Variants in EBF2 observed in about 807,000 individuals in gnomAD.
EBF2 encodes the protein EBF transcription factor 2.
In EBF2, 21 loss-of-function variants were observed where a neutral mutation model predicts 72.8. The observed-to-expected ratio is 0.29, with a 90% CI of 0.20 to 0.42. The LOEUF (loss-of-function observed/expected upper bound fraction) is 0.42. EBF2 is among the 10% of genes least tolerant of loss of function. The pLI is 1.00. For synonymous variants in EBF2, 299 were observed against 274.2 expected (o/e 1.09, Z -0.89); for missense variants, 637 against 731.2 (o/e 0.87, Z 1.49).
chr8:25,875,601 T>C (rs938022581), intron 10 of EBF2, among the ~76,000 whole-genome samples: 5 of 152,242 alleles, frequency 3.3e-5, no homozygotes, highest in Non-Finnish European at 5.9e-5. Context: ...CACATCATAC[T>C]GACTGGAGCC....
chr8:26,014,748 T>C (rs942384957), intron 6 of EBF2, among the ~76,000 whole-genome samples: 1 of 152,210 alleles, frequency 6.6e-6, no homozygotes, highest in Non-Finnish European at 1.5e-5. Context: ...GTGAACTACA[T>C]AATACTAATT....
At chr8:26,040,907 C>T (rs1805589170) in intron 3 of EBF2, 32 bp downstream of exon 3, 1 of 1,613,314 alleles carries the variant, frequency 6.2e-7, no homozygotes, top group Non-Finnish European at 8.5e-7. Flanking sequence ...GGCTGCTAGG[C>T]GCCGGCTCAC....
At chr8:25,910,071 T>G (rs962474251) in intron 6 of EBF2, among the ~76,000 whole-genome samples, 3 of 152,172 alleles carry the variant, frequency 2.0e-5, no homozygotes, top group Non-Finnish European at 4.4e-5. Flanking sequence ...ATGTTGTGCG[T>G]GGCTGTCCGA....
intron 1 of EBF2, 127 bp from the exon 2 acceptor site, chr8:26,042,378 C>T (rs1246309646): frequency 8.2e-7 from 1 of 1,217,392 alleles, no homozygotes; most frequent in African/African-American, 1.5e-5. Flanking sequence ...CTGAACCCTT[C>T]GGGCCTTTTT....
chr8:26,010,845 G>A (rs974574141), intron 6 of EBF2, among the ~76,000 whole-genome samples: 1 of 152,102 alleles, frequency 6.6e-6, no homozygotes, highest in Non-Finnish European at 1.5e-5. Context: ...ATCACCGAGC[G>A]TTCCATGAAT....
chr8:25,897,122 A>C (rs561875771), intron 7 of EBF2, among the ~76,000 whole-genome samples: 16 of 152,336 alleles, frequency 1.1e-4, no homozygotes, highest in Non-Finnish European at 1.6e-4. Context: ...GTTGACTGCC[A>C]TAGAGACAGA....
At chr8:26,034,763 A>G (rs1312606581) in intron 5 of EBF2, among the ~76,000 whole-genome samples, 6 of 152,190 alleles carry the variant, frequency 3.9e-5, no homozygotes, top group Non-Finnish European at 8.8e-5. Context: ...CTGGTTGGAG[A>G]ATATGCCTAA....
chr8:25,858,105 C>A (rs1244128616), intron 14 of EBF2: 1 of 693,358 alleles, frequency 1.4e-6, no homozygotes, highest in South Asian at 1.5e-5. Context: ...TTGTTTCAAT[C>A]CTTTTCTTTC....
chr8:26,033,705 G>A lies in EBF2; in HGVS notation c.483-552C>T, dbSNP rs192743671. 1.6e-3 allele frequency among the ~76,000 whole-genome samples: 239 copies of A among 152,056 alleles called. 1 individual carries two copies. In the South Asian group the frequency reaches 0.022, roughly 14 times the overall value. On this transcript the variant is annotated intron_variant, in intron 5 of 15. Transcript: ENST00000520164. ...AAACCACCGTGGCACATGTTTACCTGTGTAACAAACCTATACGTCCTGCAC... is the reference window on the plus strand; with the variant it reads ...AAACCACCGTGGCACATGTTTACCTATGTAACAAACCTATACGTCCTGCAC...
chr8:25,984,607 G>A (rs1292859830), intron 6 of EBF2, among the ~76,000 whole-genome samples: 2 of 152,060 alleles, frequency 1.3e-5, no homozygotes, highest in East Asian at 1.9e-4. Context: ...GCTTGAAACC[G>A]GGAGGCGGAG....
chr8:26,021,557 G>A (rs770812305), intron 6 of EBF2, among the ~76,000 whole-genome samples: 1 of 152,114 alleles, frequency 6.6e-6, no homozygotes, highest in Non-Finnish European at 1.5e-5. Context: ...TAAAATACAA[G>A]ATGCTCAGTT....
At chr8:26,007,666 C>T (rs1804903886) in intron 6 of EBF2, among the ~76,000 whole-genome samples, 1 of 152,138 alleles carries the variant, frequency 6.6e-6, no homozygotes, top group Admixed American at 6.6e-5. Context: ...TAGGCTCACG[C>T]CAAGCCTTCA....
At chr8:25,991,384 C>A (rs1439211037) in intron 6 of EBF2, among the ~76,000 whole-genome samples, 2 of 152,182 alleles carry the variant, frequency 1.3e-5, no homozygotes, top group Non-Finnish European at 2.9e-5. Context: ...GAACCACCAC[C>A]TATTGAGGCC....
intron 6 of EBF2, among the ~76,000 whole-genome samples, chr8:25,910,850 A>G (rs7837835): frequency 0.73 from 110,585 of 151,986 alleles, 40,813 homozygotes; most frequent in East Asian, 0.86. Context: ...GAAGACAGAG[A>G]CAGAAAGTTC....
intron 5 of EBF2, among the ~76,000 whole-genome samples, chr8:26,038,740 C>T (rs970958455): frequency 6.6e-6 from 1 of 152,236 alleles, no homozygotes; most frequent in African/African-American, 2.4e-5. Flanking sequence ...CCCCCAGCTA[C>T]TCCAGCAAGG....
chr8:25,850,049 A>T (rs536566720), intron 15 of EBF2, among the ~76,000 whole-genome samples: 1 of 152,304 alleles, frequency 6.6e-6, no homozygotes, highest in Admixed American at 6.5e-5. Context: ...TGTATTAACC[A>T]TGGTTAATTC....
chr8:26,003,899 T>C (rs1371888691), intron 6 of EBF2, among the ~76,000 whole-genome samples: 2 of 152,168 alleles, frequency 1.3e-5, no homozygotes, highest in African/African-American at 2.4e-5. Flanking sequence ...AAGTGCTCGC[T>C]CCTGCCAGCA....
chr8:26,036,172 G>A (rs1805498156), intron 5 of EBF2, among the ~76,000 whole-genome samples: 1 of 152,208 alleles, frequency 6.6e-6, no homozygotes, highest in African/African-American at 2.4e-5. Context: ...TGAGGGGGCT[G>A]AGTAAGTTTT....
Position 25,858,334 on chromosome 8 carries a change from C to T in EBF2, c.1513G>A (p.Gly505Ser), listed in dbSNP as rs554772246. The T allele has an allele frequency of 5.0e-5, 81 of 1,614,104 alleles. No individual in the cohort carries two copies. The African/African-American group carries it at 5.2e-4, about 10-fold the overall frequency. The change falls in exon 14 of 16, where the codon GGC becomes AGC. Residue 505 changes from glycine (G) to serine (S), a missense_variant. Gly to Ser is a moderately conservative substitution (Grantham distance 56). Coordinates refer to ENST00000520164, the MANE Select transcript of EBF2 (RefSeq NM_022659.4). ...SPGFLNGSPT[G>S]SPYGIMSSSP... ...GGTCACTTACTTCCATAAGGAGAGCCGGTGGGTGAGCCATTTAGAAATCCT... is the reference window on the plus strand; with the variant it reads ...GGTCACTTACTTCCATAAGGAGAGCTGGTGGGTGAGCCATTTAGAAATCCT...
Sources: gnomAD v4.1 joint callset for allele counts (sites outside exome capture counted in the v4.1 genomes callset) on GRCh38, gnomAD v4.1.1 for gene constraint, MANE v1.5 for transcripts, NCBI Gene and HGNC (gene_info 2026-07-23, HGNC 2026-07-21) for gene names.